Variants in PFKFB3 observed in about 807,000 individuals in gnomAD.
The protein encoded by PFKFB3 is 6-phosphofructo-2-kinase/fructose-2,6-bisphosphatase 3.
PFKFB3 carries 33 observed loss-of-function variants against 68.0 expected under a neutral mutation model. The observed-to-expected ratio is 0.49, with a 90% CI of 0.37 to 0.65. The LOEUF (loss-of-function observed/expected upper bound fraction) is 0.65, where lower values mean the gene tolerates loss of function less well. Ranked by LOEUF, PFKFB3 falls within the 30% of genes least tolerant of loss-of-function variation. The probability of loss-of-function intolerance (pLI) is 0.00; values close to 1 mark genes in which losing one functional copy is unlikely to be tolerated. For missense variants in PFKFB3, 586 were observed against 712.2 expected (o/e 0.82, Z 2.02); for synonymous variants, 315 against 288.2 (o/e 1.09, Z -0.94).
chr10:6,247,919 A>C (rs1016673536), intron 14 of PFKFB3, among the ~76,000 whole-genome samples: 1 of 152,228 alleles, frequency 6.6e-6, no homozygotes, highest in Non-Finnish European at 1.5e-5. Context: ...TAATATATGA[A>C]AAAACTCAGG....
chr10:6,193,857 TAC>T (rs1375003013), intron 1 of PFKFB3, among the ~76,000 whole-genome samples: 62 of 152,176 alleles, frequency 4.1e-4, no homozygotes, highest in Admixed American at 4.1e-3. Flanking sequence ...GATTACAAAG[TAC>T]ATTGATCAGT....
At chr10:6,263,744 G>T in the PFKFB3 span, among the ~76,000 whole-genome samples, 1 of 152,284 alleles carries the variant, frequency 6.6e-6, no homozygotes, top group South Asian at 2.1e-4. Context: ...GGAGGGCAAT[G>T]GTGCAATCTC....
chr10:6,177,861 G>T (rs574197740), intron 1 of PFKFB3, among the ~76,000 whole-genome samples: 1 of 152,290 alleles, frequency 6.6e-6, no homozygotes, highest in East Asian at 1.9e-4. Context: ...GGGAACTTGG[G>T]AAATGGTGTA....
In PFKFB3 at chr10:6,231,166, A is replaced by G. The variant is rs140099271; in HGVS notation, c.1516-1729A>G. 1.2e-4 allele frequency: 108 copies of G among 921,422 alleles called. No individual in the cohort carries two copies. The East Asian group carries it at 2.3e-3, about 20-fold the overall frequency. The allele number at this position is 921,422 out of a possible 1,614,324, so 57.1% of individuals were successfully genotyped here. On this transcript the variant is annotated intron_variant, in intron 14 of 14. Transcript: ENST00000379775. ...CATTTGTGATGCAACCTTCATTTTT[A>G]AAATTTCAAATGCACACTAGAAAAT...
intron 1 of PFKFB3, among the ~76,000 whole-genome samples, chr10:6,206,835 AGACGG>A (rs1381443647): frequency 2.5e-3 from 56 of 22,390 alleles, no homozygotes; most frequent in African/African-American, 7.2e-3. Flanking sequence ...CTCACTTCCC[AGACGG>A]GGTGGCGGCC....
chr10:6,307,329 CTACACACA>C, the PFKFB3 span, among the ~76,000 whole-genome samples: 1 of 54,062 alleles, frequency 1.8e-5, no homozygotes, highest in Non-Finnish European at 3.8e-5. Flanking sequence ...TGCATGCGTA[CTACACACA>C]CACACACACA....
chr10:6,171,435 G>A (rs1328792397), intron 1 of PFKFB3, among the ~76,000 whole-genome samples: 3 of 138,486 alleles, frequency 2.2e-5, no homozygotes, highest in Non-Finnish European at 4.6e-5. Flanking sequence ...TCGTTCTGTT[G>A]CTCGGGTTGA....
rs1844603695 is a variant in PFKFB3 at position 6,216,587 on chromosome 10, C to T, written c.367-119C>T. 16 of 774,816 alleles carry T rather than the reference C, an allele frequency of 2.1e-5. No individual in the cohort carries two copies. The South Asian group carries it at 2.5e-4, about 12-fold the overall frequency. The allele number at this position is 774,816 out of a possible 1,614,324, so 48.0% of individuals were successfully genotyped here. A position where few individuals can be genotyped will look rare whatever the true frequency, so the allele number is the denominator to read the frequency against. On this transcript the variant is annotated intron_variant, in intron 4 of 14. Transcript: ENST00000379775. ...GGACTGTGGGCAGGCACAAGCTCCC[C>T]TGAAGCACTTTTGGGGCTTATTCCT...
intron 1 of PFKFB3, among the ~76,000 whole-genome samples, chr10:6,172,558 CT>C (rs370738466): frequency 1.5e-3 from 221 of 152,326 alleles, no homozygotes; most frequent in African/African-American, 4.8e-3. Context: ...GATTAAGTGA[CT>C]TATCCAAGAC....
downstream of PFKFB3, among the ~76,000 whole-genome samples, chr10:6,235,917 C>T (rs1210730907): frequency 6.6e-6 from 1 of 151,930 alleles, no homozygotes; most frequent in African/African-American, 2.4e-5. Context: ...CAGGTGTGCA[C>T]CACCATGCCC....
At chr10:6,309,294 T>A in the PFKFB3 span, among the ~76,000 whole-genome samples, 1 of 152,210 alleles carries the variant, frequency 6.6e-6, no homozygotes, top group African/African-American at 2.4e-5. Context: ...CTGGGCGTGG[T>A]GGCTGACGCC....
In PFKFB3 at chr10:6,192,366, CTTTTT is replaced by C. The variant is rs149846128; in HGVS notation, c.17-21243_17-21239del. ...CCTGCCCGTTTTTTTTTTCTTTCTTCTTTTTTTTTTTTTTTTTTGGCTTGATTTGG... is the reference window on the plus strand; with the variant it reads ...CCTGCCCGTTTTTTTTTTCTTTCTTCTTTTTTTTTTTTTGGCTTGATTTGG... On this transcript the variant is annotated intron_variant, in intron 1 of 14. Coordinates refer to the PFKFB3 transcript ENST00000379789. Among the ~76,000 whole-genome samples, 399 of 113,060 alleles carry C rather than the reference CTTTTT, an allele frequency of 3.5e-3. 2 individuals carry two copies. Among genetic ancestry groups the C allele is most frequent in the African/African-American group, 0.013 (376 of 29,532 alleles). 74.2% of individuals were successfully genotyped at this position (113,060 alleles called of 152,430 possible).
chr10:6,145,175 C>A lies in PFKFB3; in HGVS notation c.16+162C>A, dbSNP rs1219617392. Reference sequence around the variant, plus strand: ...CCAAGCGAGACGCGCTCCGCCTTGTCCCCTCCGCCCTGCGCTGCGCCCCGG... The same window carrying A: ...CCAAGCGAGACGCGCTCCGCCTTGTACCCTCCGCCCTGCGCTGCGCCCCGG... On this transcript the variant is annotated intron_variant, in intron 1 of 14. Transcript: ENST00000379789. Among the ~76,000 whole-genome samples, 3 of 152,118 alleles carry A rather than the reference C, an allele frequency of 2.0e-5. 1 individual carries two copies. The highest frequency in any genetic ancestry group is 2.0e-4 in the Admixed American group (3 of 15,288).
the PFKFB3 span, among the ~76,000 whole-genome samples, chr10:6,263,184 A>G: frequency 6.6e-6 from 1 of 152,256 alleles, no homozygotes; most frequent in African/African-American, 2.4e-5. Context: ...AACTAAAAGT[A>G]TCCCTTATGG....
chr10:6,214,399 G>T (rs768287724), intron 2 of PFKFB3, among the ~76,000 whole-genome samples: 2 of 152,122 alleles, frequency 1.3e-5, no homozygotes, highest in African/African-American at 4.8e-5. Context: ...TGTCTTCCAC[G>T]AAAGTGGTCC....
intron 1 of PFKFB3, among the ~76,000 whole-genome samples, chr10:6,206,650 G>A (rs1843739424): frequency 2.6e-5 from 4 of 151,708 alleles, no homozygotes; most frequent in African/African-American, 7.3e-5. Flanking sequence ...CCCAGATGGG[G>A]CGGCGGGGCA....
the PFKFB3 span, among the ~76,000 whole-genome samples, chr10:6,284,050 G>A: frequency 1.6e-4 from 24 of 152,170 alleles, no homozygotes; most frequent in Admixed American, 1.3e-4. Context: ...TTCTCACTGC[G>A]AAAATCCAGT....
intron 14 of PFKFB3, among the ~76,000 whole-genome samples, chr10:6,242,824 G>T (rs1471830370): frequency 1.3e-5 from 2 of 152,218 alleles, no homozygotes; most frequent in African/African-American, 4.8e-5. Context: ...TTGACCTGAG[G>T]TGATCCGCCC....
intron 1 of PFKFB3, among the ~76,000 whole-genome samples, chr10:6,178,335 A>G (rs1372781021): frequency 6.6e-6 from 1 of 151,900 alleles, no homozygotes; most frequent in African/African-American, 2.4e-5. Context: ...AGGGTCCATC[A>G]GCAACAGAAA....
Sources: allele counts gnomAD v4.1 joint callset (sites outside exome capture counted in the v4.1 genomes callset), GRCh38; gene constraint gnomAD v4.1.1; transcripts MANE v1.5; gene names NCBI Gene and HGNC (gene_info 2026-07-23, HGNC 2026-07-21).